Variants in WWOX observed in about 807,000 individuals in gnomAD.
WWOX encodes the protein WW domain-containing oxidoreductase.
WWOX carries 69 observed loss-of-function variants against 46.2 expected under a neutral mutation model. The ratio of observed to expected loss-of-function variants is 1.49; its 90% confidence interval spans 1.23 to 1.82. The LOEUF (loss-of-function observed/expected upper bound fraction) is 1.82, where lower values mean the gene tolerates loss of function less well. Among genes scored for constraint, WWOX ranks in the 40% most tolerant of loss-of-function variants. WWOX has a pLI of 0.00. For synonymous variants in WWOX, 359 were observed against 202.6 expected (o/e 1.77, Z -6.56); for missense variants, 919 against 542.6 (o/e 1.69, Z -6.89).
At chr16:78,484,947 T>C (rs1055259106) in intron 8 of WWOX, among the ~76,000 whole-genome samples, 9 of 152,116 alleles carry the variant, frequency 5.9e-5, no homozygotes, top group African/African-American at 2.2e-4. Flanking sequence ...ACACAGCCTG[T>C]GTACCTGGCA....
At chr16:79,171,470 A>G (rs975035114) in intron 8 of WWOX, among the ~76,000 whole-genome samples, 3 of 152,152 alleles carry the variant, frequency 2.0e-5, no homozygotes, top group Admixed American at 1.3e-4. Context: ...TGTCGGTGTC[A>G]TCTTTCACAT....
At chr16:79,008,825 C>T (rs567220641) in intron 8 of WWOX, among the ~76,000 whole-genome samples, 17 of 152,198 alleles carry the variant, frequency 1.1e-4, no homozygotes, top group Non-Finnish European at 1.6e-4. Flanking sequence ...CACCTGCAGC[C>T]GGAGACCAGG....
At chr16:78,468,226 T>C (rs2084128734) in intron 8 of WWOX, among the ~76,000 whole-genome samples, 2 of 152,086 alleles carry the variant, frequency 1.3e-5, no homozygotes, top group African/African-American at 2.4e-5. Flanking sequence ...AGACCTGATA[T>C]GCTTTGTTAG....
chr16:78,468,016 T>C (rs1424751326), intron 8 of WWOX, among the ~76,000 whole-genome samples: 3 of 152,148 alleles, frequency 2.0e-5, no homozygotes, highest in Non-Finnish European at 4.4e-5. Flanking sequence ...TATATTTTCT[T>C]TACTGTTTAA....
chr16:78,781,664 C>T (rs186220670), intron 8 of WWOX, among the ~76,000 whole-genome samples: 79 of 152,274 alleles, frequency 5.2e-4, no homozygotes, highest in Admixed American at 7.8e-4. Context: ...GCTCATGCCT[C>T]TAATCCTACC....
chr16:78,822,911 A>G (rs772605060), intron 8 of WWOX, among the ~76,000 whole-genome samples: 3 of 152,136 alleles, frequency 2.0e-5, no homozygotes, highest in Admixed American at 6.5e-5. Flanking sequence ...AAGGGGCTTG[A>G]TAAAGCCAAA....
chr16:78,425,161 C>T (rs2083047140), intron 7 of WWOX, 106 bp downstream of exon 7: 17 of 1,462,116 alleles, frequency 1.2e-5, no homozygotes, highest in Non-Finnish European at 1.6e-5. Flanking sequence ...CTGCTTGAGA[C>T]ATGTGGGTGG....
intron 8 of WWOX, among the ~76,000 whole-genome samples, chr16:79,207,166 C>CAGCTCTCTGATAAATGT (rs1341376720): frequency 6.6e-6 from 1 of 152,208 alleles, no homozygotes; most frequent in African/African-American, 2.4e-5. Flanking sequence ...TCCACCGCAG[C>CAGCTCTCTGATAAATGT]AGCTCTCTGA....
chr16:79,054,316 G>T (rs1383405326), intron 8 of WWOX, among the ~76,000 whole-genome samples: 1 of 152,094 alleles, frequency 6.6e-6, no homozygotes, highest in Non-Finnish European at 1.5e-5. Flanking sequence ...ATATCCCCCA[G>T]CTATCCCGGT....
intron 3 of WWOX, 133 bp from the exon 4 acceptor site, chr16:78,114,843 C>G: frequency 9.0e-7 from 1 of 1,113,436 alleles, no homozygotes. Context: ...TCAGTGGGCC[C>G]CAGTTCTTTC....
chr16:78,291,884 C>A (rs982470212), intron 5 of WWOX, among the ~76,000 whole-genome samples: 3 of 151,938 alleles, frequency 2.0e-5, no homozygotes, highest in South Asian at 2.1e-4. Context: ...GAGGGAATTC[C>A]CCTTTTGTGC....
At chr16:78,440,606 T>G (rs1597089109) in intron 8 of WWOX, among the ~76,000 whole-genome samples, 1 of 149,016 alleles carries the variant, frequency 6.7e-6, no homozygotes, top group South Asian at 2.2e-4. Flanking sequence ...AAACATAATT[T>G]CTGTAGTTTT....
intron 5 of WWOX, among the ~76,000 whole-genome samples, chr16:78,310,653 G>A (rs990210742): frequency 6.6e-6 from 1 of 152,198 alleles, no homozygotes; most frequent in Non-Finnish European, 1.5e-5. Flanking sequence ...AGCACATTTG[G>A]CATCTCTCTG....
At chr16:78,676,549 A>G (rs1217420697) in intron 8 of WWOX, among the ~76,000 whole-genome samples, 1 of 152,096 alleles carries the variant, frequency 6.6e-6, no homozygotes, top group African/African-American at 2.4e-5. Context: ...ACAGTCTAAA[A>G]TCATCATCAT....
chr16:78,851,625 C>T (rs959971187), intron 8 of WWOX, among the ~76,000 whole-genome samples: 2 of 152,188 alleles, frequency 1.3e-5, no homozygotes, highest in Non-Finnish European at 2.9e-5. Flanking sequence ...CAACCTAGGA[C>T]AGTGTCAGAC....
chr16:78,873,699 C>T (rs764808533), intron 8 of WWOX, among the ~76,000 whole-genome samples: 61 of 152,118 alleles, frequency 4.0e-4, no homozygotes, highest in Admixed American at 7.2e-4. Context: ...CTGAGGAGGA[C>T]GATTGCTTGA....
chr16:78,318,473 A>C (rs1261457896), intron 5 of WWOX, among the ~76,000 whole-genome samples: 1 of 152,068 alleles, frequency 6.6e-6, no homozygotes, highest in East Asian at 1.9e-4. Context: ...CTAATTGTTG[A>C]TTTGTGGTCC....
At chr16:79,070,049 C>T (rs539294402) in intron 8 of WWOX, among the ~76,000 whole-genome samples, 187 of 152,274 alleles carry the variant, frequency 1.2e-3, no homozygotes, top group African/African-American at 4.4e-3. Context: ...AAAATAAATG[C>T]AGAATATTCC....
intron 8 of WWOX, among the ~76,000 whole-genome samples, chr16:78,457,138 G>A (rs1350649676): frequency 4.6e-5 from 7 of 152,190 alleles, no homozygotes; most frequent in East Asian, 1.9e-4. Flanking sequence ...CTCTCTGATC[G>A]TGTCTGTGTC....
Sources: allele counts gnomAD v4.1 joint callset (sites outside exome capture counted in the v4.1 genomes callset), GRCh38; gene constraint gnomAD v4.1.1; transcripts MANE v1.5; gene names NCBI Gene and HGNC (gene_info 2026-07-23, HGNC 2026-07-21).